ARSB: variants seen among roughly 807,000 people sequenced by gnomAD.
ARSB encodes arylsulfatase B.
A neutral mutation model predicts 50.9 loss-of-function variants in ARSB; 41 were observed. The ratio of observed to expected loss-of-function variants is 0.81; its 90% CI spans 0.63 to 1.04. ARSB has a LOEUF of 1.04. ARSB is among the 50% of genes least tolerant of loss of function. The pLI is 0.00. For synonymous variants in ARSB, 269 were observed against 284.8 expected (o/e 0.94, Z 0.56); for missense variants, 672 against 693.3 (o/e 0.97, Z 0.35).
At chr5:78,940,265 T>C (rs186670647) in intron 4 of ARSB, among the ~76,000 whole-genome samples, 1 of 152,344 alleles carries the variant, frequency 6.6e-6, no homozygotes, top group Admixed American at 6.5e-5. Flanking sequence ...TCTTTTGCTG[T>C]GCAGAAGCTC....
chr5:78,967,082 T>C (rs1752240325), intron 2 of ARSB, among the ~76,000 whole-genome samples: 1 of 152,198 alleles, frequency 6.6e-6, no homozygotes, highest in Non-Finnish European at 1.5e-5. Flanking sequence ...TTCAGCTGCA[T>C]TGTTTTGGCC....
intron 4 of ARSB, among the ~76,000 whole-genome samples, chr5:78,950,674 A>T (rs1318343226): frequency 6.6e-6 from 1 of 152,174 alleles, no homozygotes; most frequent in African/African-American, 2.4e-5. Context: ...GGTTCAATAG[A>T]GTAGAACACT....
At chr5:78,784,703 T>C (rs1749031067) in intron 6 of ARSB, among the ~76,000 whole-genome samples, 1 of 152,202 alleles carries the variant, frequency 6.6e-6, no homozygotes, top group South Asian at 2.1e-4. Context: ...GTAGCATCTG[T>C]AGTAATATTG....
At chr5:78,952,299 A>AATTGT (rs898028085) in intron 4 of ARSB, among the ~76,000 whole-genome samples, 3 of 151,674 alleles carry the variant, frequency 2.0e-5, no homozygotes, top group Admixed American at 2.0e-4. Context: ...TCATGAAAAA[A>AATTGT]ATTGTATTCC....
At chr5:78,968,771 G>T (rs916560953) in intron 2 of ARSB, among the ~76,000 whole-genome samples, 2 of 152,166 alleles carry the variant, frequency 1.3e-5, no homozygotes, top group African/African-American at 4.8e-5. Context: ...GTAAACTCTT[G>T]CAAGGCCCTA....
chr5:78,919,930 G>C (rs76566968), intron 4 of ARSB, among the ~76,000 whole-genome samples: 2,655 of 152,318 alleles, frequency 0.017, 33 homozygotes, highest in Non-Finnish European at 0.028. Flanking sequence ...CAAACACAAA[G>C]CTCTCATCTG....
At chr5:78,855,730 G>A (rs561101343) in intron 5 of ARSB, among the ~76,000 whole-genome samples, 8 of 152,156 alleles carry the variant, frequency 5.3e-5, no homozygotes, top group African/African-American at 1.2e-4. Context: ...GGATTGCAGG[G>A]GACCCCAGTG....
At chr5:78,806,658 A>C (rs1743577969) in intron 6 of ARSB, among the ~76,000 whole-genome samples, 1 of 152,216 alleles carries the variant, frequency 6.6e-6, no homozygotes, top group African/African-American at 2.4e-5. Context: ...CATTGACCTG[A>C]TGACATTCTG....
chr5:78,936,053 TTCCC>T lies in ARSB; in HGVS notation c.898+19238_898+19241del, dbSNP rs1750577784. Among the ~76,000 whole-genome samples the T allele has an allele frequency of 7.8e-5, 8 of 102,168 alleles. 1 individual carries two copies. The South Asian group carries it at 3.3e-3, about 42-fold the overall frequency. The allele number at this position is 102,168 out of a possible 152,430, so 67.0% of individuals were successfully genotyped here. On this transcript the variant is annotated intron_variant, in intron 4 of 7. Transcript: ENST00000264914. Reference sequence around the variant, plus strand: ...CCCCCCCACCTCCCTCCCTCTCTCTTTCCCTCCCTCCCTCCCTCTCTTTCCCTTC... The same window carrying T: ...CCCCCCCACCTCCCTCCCTCTCTCTTTCCCTCCCTCCCTCTCTTTCCCTTC...
At chr5:78,896,123 C>G (rs752989690) in intron 4 of ARSB, among the ~76,000 whole-genome samples, 5 of 152,154 alleles carry the variant, frequency 3.3e-5, no homozygotes, top group Non-Finnish European at 7.3e-5. Context: ...AGGCTTCTCA[C>G]ACCACAGTGT....
chr5:78,833,567 G>A (rs986623477), intron 6 of ARSB, among the ~76,000 whole-genome samples: 1 of 152,156 alleles, frequency 6.6e-6, no homozygotes, highest in Admixed American at 6.5e-5. Context: ...GTGGAGGGAG[G>A]AAGGGGATAA....
Position 78,927,239 on chromosome 5 carries a change from T to C in ARSB, c.898+28056A>G, listed in dbSNP as rs1259351444. Among the ~76,000 whole-genome samples the C allele has an allele frequency of 2.6e-5, 4 of 152,360 alleles. No homozygotes were observed. The East Asian group carries it at 7.7e-4, about 29-fold the overall frequency. On this transcript the variant is annotated intron_variant, in intron 4 of 7. Coordinates refer to ENST00000264914, the MANE Select transcript of ARSB (RefSeq NM_000046.5). ...TATTATCATTTCAATATGTAATTCA[T>C]ATAAAAATTATGGAGGTATTATTTT...
intron 4 of ARSB, among the ~76,000 whole-genome samples, chr5:78,891,206 T>C (rs1426845716): frequency 6.6e-6 from 1 of 152,190 alleles, no homozygotes; most frequent in East Asian, 1.9e-4. Context: ...TGCATTGTTT[T>C]TTCTAAGCCT....
chr5:78,870,215 A>G (rs1271422427), intron 5 of ARSB, among the ~76,000 whole-genome samples: 3 of 146,484 alleles, frequency 2.0e-5, no homozygotes, highest in Non-Finnish European at 4.5e-5. Context: ...AAGGATTCAC[A>G]GCCGAATTCT....
chr5:78,825,847 T>C (rs1029989474), intron 6 of ARSB, among the ~76,000 whole-genome samples: 3 of 152,180 alleles, frequency 2.0e-5, no homozygotes, highest in African/African-American at 7.2e-5. Flanking sequence ...CTTTAAGTCA[T>C]TTTAAATTTA....
chr5:78,784,640 G>A (rs1196206035), intron 6 of ARSB, among the ~76,000 whole-genome samples: 1 of 152,048 alleles, frequency 6.6e-6, no homozygotes, highest in Non-Finnish European at 1.5e-5. Flanking sequence ...TATTTTATTA[G>A]GAATTTGTGT....
At chr5:78,815,669 G>C in intron 6 of ARSB, 1 of 1,011,082 alleles carries the variant, frequency 9.9e-7, no homozygotes, top group African/African-American at 1.8e-5. Context: ...TTATTCACTG[G>C]GATGCTCAAA....
At chr5:78,785,891 A>G (rs1159000909) in intron 6 of ARSB, among the ~76,000 whole-genome samples, 3 of 152,198 alleles carry the variant, frequency 2.0e-5, no homozygotes, top group Non-Finnish European at 2.9e-5. Context: ...GGTCAGAGGG[A>G]GATGTGGCTG....
chr5:78,898,217 G>A (rs892269728), intron 4 of ARSB, among the ~76,000 whole-genome samples: 9 of 152,180 alleles, frequency 5.9e-5, no homozygotes, highest in African/African-American at 2.2e-4. Flanking sequence ...GCAGTGCCGA[G>A]ACTGTGCCAC....
Sources: allele counts gnomAD v4.1 joint callset (sites outside exome capture counted in the v4.1 genomes callset), GRCh38; gene constraint gnomAD v4.1.1; transcripts MANE v1.5; gene names NCBI Gene and HGNC (gene_info 2026-07-23, HGNC 2026-07-21).